Variants in HHIPL2 observed in about 807,000 individuals in gnomAD.
HHIPL2 encodes the protein HHIP-like protein 2.
A neutral mutation model predicts 61.0 loss-of-function variants in HHIPL2; 61 were observed. That is an observed-to-expected ratio of 1.00 (90% CI 0.81 to 1.24). The LOEUF (loss-of-function observed/expected upper bound fraction) is 1.24. HHIPL2 is among the 50% of genes most tolerant of loss of function. The pLI, the probability that HHIPL2 is intolerant of heterozygous loss-of-function variation, is 0.00. For missense variants in HHIPL2, 885 were observed against 910.2 expected, an observed-to-expected ratio of 0.97 and a Z score of 0.36; for synonymous variants, 343 against 357.4, an observed-to-expected ratio of 0.96 and a Z score of 0.45.
intron 7 of HHIPL2, 95 bp from the exon 8 acceptor site, chr1:222,523,789 G>T (rs878928670): frequency 4.2e-6 from 5 of 1,180,896 alleles, no homozygotes; most frequent in Non-Finnish European, 5.0e-6. Context: ...CAAGAATTGG[G>T]GTCAGCCTTT....
intron 1 of HHIPL2, among the ~76,000 whole-genome samples, chr1:222,546,441 A>G (rs1398550482): frequency 6.6e-6 from 1 of 152,226 alleles, no homozygotes; most frequent in Non-Finnish European, 1.5e-5. Context: ...GACCTTATAA[A>G]TGTGAATAAA....
At chr1:222,532,563 A>G (rs1468283123) in intron 5 of HHIPL2, among the ~76,000 whole-genome samples, 2 of 151,884 alleles carry the variant, frequency 1.3e-5, no homozygotes, top group Admixed American at 1.3e-4. Context: ...GCAGTGAGCC[A>G]AGATCATGCC....
rs765330564 is a variant in HHIPL2 at position 222,535,346 on chromosome 1, A to G, written c.1578-3235T>C. Among the ~76,000 whole-genome samples the G allele has an allele frequency of 2.6e-5, 4 of 152,248 alleles. 1 individual carries two copies. The highest frequency in any genetic ancestry group is 4.1e-4 in the South Asian group (2 of 4,836). On this transcript the variant is annotated intron_variant, in intron 5 of 8. Transcript: ENST00000343410. ...AAGTTCTTCAGACAGAAGAAAAATGATATCAGATAGAAACATGCATCTACC... is the reference window on the plus strand; with the variant it reads ...AAGTTCTTCAGACAGAAGAAAAATGGTATCAGATAGAAACATGCATCTACC...
At chr1:222,537,452 C>CA (rs1019529128) in intron 5 of HHIPL2, among the ~76,000 whole-genome samples, 231 of 139,062 alleles carry the variant, frequency 1.7e-3, no homozygotes, top group Non-Finnish European at 2.5e-3. Flanking sequence ...GGCTTCAATT[C>CA]AAAAAAAAAA....
rs113125244 is a variant in HHIPL2 at position 222,522,692 on chromosome 1, C to A, written c.2084G>T (p.Arg695Leu). The A allele has an allele frequency of 1.9e-6, 3 of 1,614,154 alleles. No homozygotes were observed. Among genetic ancestry groups the A allele is most frequent in the African/African-American group, 1.3e-5 (1 of 75,032 alleles). ...KKKARVGPHVRQGKRRKSLKS... is the reference protein window; with the variant it reads ...KKKARVGPHVLQGKRRKSLKS... ...CAGGCTCTTCCTCCTCTTGCCCTGG[C>A]GGACGTGGGGCCCCACTCTGGCTTT... Residue 695 changes from arginine (R) to leucine (L), a missense_variant, in exon 9 of 9, where the codon CGC becomes CTC. By Grantham distance (102) the Arg-to-Leu change is moderately radical. Transcript: ENST00000343410.
At chr1:222,523,181 C>A (rs1437836103) in intron 8 of HHIPL2, among the ~76,000 whole-genome samples, 1 of 152,078 alleles carries the variant, frequency 6.6e-6, no homozygotes, top group Admixed American at 6.5e-5. Context: ...CCCTGAGCAT[C>A]CTTCTATACC....
intron 6 of HHIPL2, among the ~76,000 whole-genome samples, chr1:222,531,558 G>A (rs116718330): frequency 0.033 from 4,979 of 152,116 alleles, 134 homozygotes; most frequent in South Asian, 0.045. Flanking sequence ...GACCAGCACG[G>A]CCAACACGGC....
Position 222,547,052 on chromosome 1 carries a change from G to A in HHIPL2, c.321+672C>T, listed in dbSNP as rs189820366. ...CCCTCTTCCTACAAAGTCTGTGTGT[G>A]CAGCCTACACCCGTCTTGTTTTCAG... On this transcript the variant is annotated intron_variant, in intron 1 of 8. Coordinates refer to ENST00000343410, the MANE Select transcript of HHIPL2 (RefSeq NM_024746.4). Among the ~76,000 whole-genome samples, 37 of 152,330 alleles carry A rather than the reference G, an allele frequency of 2.4e-4. 1 individual carries two copies. The East Asian group carries it at 6.4e-3, about 26-fold the overall frequency.
chr1:222,535,839 G>C (rs890341678), intron 5 of HHIPL2, among the ~76,000 whole-genome samples: 4 of 151,980 alleles, frequency 2.6e-5, no homozygotes, highest in Admixed American at 6.6e-5. Flanking sequence ...GAAATCAATA[G>C]CAGAAAGATC....
intron 5 of HHIPL2, among the ~76,000 whole-genome samples, chr1:222,535,708 T>G (rs1659286911): frequency 6.6e-6 from 1 of 152,144 alleles, no homozygotes; most frequent in African/African-American, 2.4e-5. Context: ...CATCTTCAAA[T>G]TTCCCCCTAC....
chr1:222,542,132 G>C lies in HHIPL2; in HGVS notation c.998C>G (p.Pro333Arg), dbSNP rs1424965426. The C allele has an allele frequency of 6.2e-7, 1 of 1,613,684 alleles. No individual in the cohort carries two copies. The change falls in exon 3 of 9, where the codon CCA becomes CGA. Residue 333 changes from proline (P) to arginine (R), a missense_variant. Physicochemically the swap from Pro to Arg is moderately radical, Grantham distance 103 (BLOSUM62 -2). Transcript: ENST00000343410. ...SERVILEIEE[P>R]ASNHNGGQLL... Reference sequence around the variant, plus strand: ...TTGTCCGCCATTATGGTTTGAGGCTGGTTCTTCAATCTCCAAGATGACCCT... The same window carrying C: ...TTGTCCGCCATTATGGTTTGAGGCTCGTTCTTCAATCTCCAAGATGACCCT...
At chr1:222,533,979 C>T (rs1659246134) in intron 5 of HHIPL2, among the ~76,000 whole-genome samples, 1 of 152,138 alleles carries the variant, frequency 6.6e-6, no homozygotes. Flanking sequence ...TGAGAAAATA[C>T]TTTAAAACAA....
In HHIPL2 at chr1:222,548,050, C is replaced by A; in HGVS notation, c.-6G>T. ...GGAGTGGACGTTCTCAGCATTTTGG[C>A]CTTGGGAACACTCGGGCTGCTGTGT... On this transcript the variant is annotated 5_prime_UTR_variant, in exon 1 of 9. Coordinates refer to ENST00000343410, the MANE Select transcript of HHIPL2 (RefSeq NM_024746.4). 1 of 1,542,250 alleles carries A rather than the reference C, an allele frequency of 6.5e-7. No individual in the cohort carries two copies. The highest frequency in any genetic ancestry group is 8.8e-7 in the Non-Finnish European group (1 of 1,141,788).
chr1:222,532,317 T>C (rs1186642402), intron 5 of HHIPL2, among the ~76,000 whole-genome samples: 1 of 152,124 alleles, frequency 6.6e-6, no homozygotes, highest in Non-Finnish European at 1.5e-5. Flanking sequence ...TCATGTTCTA[T>C]ATAAAAGGAG....
chr1:222,535,499 C>A (rs1659283308), intron 5 of HHIPL2, among the ~76,000 whole-genome samples: 1 of 152,150 alleles, frequency 6.6e-6, no homozygotes, highest in Non-Finnish European at 1.5e-5. Context: ...GTTTTGGTTG[C>A]CAGAACTCTG....
At chr1:222,530,826 G>A (rs1659171717) in intron 6 of HHIPL2, among the ~76,000 whole-genome samples, 1 of 151,478 alleles carries the variant, frequency 6.6e-6, no homozygotes, top group Non-Finnish European at 1.5e-5. Context: ...AGAGAATCTA[G>A]ATGTGGAAGG....
chr1:222,547,614 C>T, intron 1 of HHIPL2, 110 bp downstream of exon 1: 1 of 923,766 alleles, frequency 1.1e-6, no homozygotes, highest in Non-Finnish European at 1.7e-6. Context: ...GATGAGGCAC[C>T]CGGCACATGA....
At chr1:222,531,897 G>A (rs774280362) in intron 6 of HHIPL2, 69 bp downstream of exon 6, 9 of 1,395,474 alleles carry the variant, frequency 6.4e-6, no homozygotes, top group South Asian at 2.7e-5. Flanking sequence ...TAAAATAAAC[G>A]TTCAGTTGAT....
chr1:222,533,647 A>C (rs374376655), intron 5 of HHIPL2, among the ~76,000 whole-genome samples: 1 of 152,248 alleles, frequency 6.6e-6, no homozygotes, highest in African/African-American at 2.4e-5. Context: ...TGCACAAGAT[A>C]GAATAATAAT....
Sources: gnomAD v4.1 joint callset for allele counts (sites outside exome capture counted in the v4.1 genomes callset) on GRCh38, gnomAD v4.1.1 for gene constraint, MANE v1.5 for transcripts, NCBI Gene and HGNC (gene_info 2026-07-23, HGNC 2026-07-21) for gene names.